CACNA1C: variants seen among roughly 807,000 people sequenced by gnomAD.
CACNA1C encodes the protein calcium voltage-gated channel subunit alpha1 C.
A neutral mutation model predicts 229.0 loss-of-function variants in CACNA1C; 30 were observed. That is an observed-to-expected ratio of 0.13 (90% CI 0.10 to 0.18). CACNA1C has a LOEUF of 0.18. Among genes scored for constraint, CACNA1C ranks in the 10% least tolerant of loss-of-function variants. The probability of loss-of-function intolerance (pLI) is 1.00; values close to 1 mark genes in which losing one functional copy is unlikely to be tolerated. For missense variants in CACNA1C, 1,658 were observed against 2,845.0 expected, an observed-to-expected ratio of 0.58 and a Z score of 9.49; for synonymous variants, 1,114 against 1,132.5, an observed-to-expected ratio of 0.98 and a Z score of 0.33.
chr12:1,972,903 G>A (rs1014717912), intron 1 of CACNA1C, among the ~76,000 whole-genome samples: 20 of 152,152 alleles, frequency 1.3e-4, no homozygotes, highest in Admixed American at 1.2e-3. Context: ...TAGTGGCAGT[G>A]TTTTCACAGC....
rs1039986587 is a variant in CACNA1C, at chr12:2,689,432, G to C, written c.6117+653G>C. On this transcript the variant is annotated intron_variant, in intron 46 of 46. Transcript: ENST00000399655. The surrounding 1 kb of genome is among the most constrained non-coding windows in gnomAD (Gnocchi z 4.2). ...CCTGGAGAGGAGGTGACTTTGGAGG[G>C]TGCGATACACCTCTCACACCTGCAA... is the stretch of plus-strand genomic sequence containing the variant. 3.9e-5 allele frequency among the ~76,000 whole-genome samples: 6 copies of C among 152,096 alleles called. No individual in the cohort carries two copies. The highest frequency in any genetic ancestry group is 8.8e-5 in the Non-Finnish European group (6 of 68,020).
intron 3 of CACNA1C, among the ~76,000 whole-genome samples, chr12:2,137,970 G>A (rs1181601050): frequency 6.6e-6 from 1 of 151,494 alleles, no homozygotes; most frequent in African/African-American, 2.4e-5. Context: ...GCTCATGCGG[G>A]CCACTCCCTG....
chr12:2,455,234 C>T (rs2099410265), intron 4 of CACNA1C, among the ~76,000 whole-genome samples: 1 of 152,196 alleles, frequency 6.6e-6, no homozygotes, highest in Admixed American at 6.5e-5. Flanking sequence ...TAGTAACCCC[C>T]TTTTTTTCTC....
intron 3 of CACNA1C, among the ~76,000 whole-genome samples, chr12:2,447,661 C>A (rs2099312094): frequency 6.6e-6 from 1 of 152,178 alleles, no homozygotes; most frequent in African/African-American, 2.4e-5. Context: ...CTGATGGCTC[C>A]CTGCAGAGCT....
intron 3 of CACNA1C, among the ~76,000 whole-genome samples, chr12:2,423,482 A>G (rs577922775): frequency 3.9e-5 from 6 of 152,340 alleles, no homozygotes; most frequent in African/African-American, 1.4e-4. Flanking sequence ...ATATACTTAC[A>G]TCATAATGAT....
At chr12:2,001,633 G>A (rs566240749) in intron 1 of CACNA1C, among the ~76,000 whole-genome samples, 1 of 152,152 alleles carries the variant, frequency 6.6e-6, no homozygotes, top group Non-Finnish European at 1.5e-5. Flanking sequence ...CATGTAGCAC[G>A]TGAGTCACCT....
At chr12:2,300,742 G>A (rs1458373770) in intron 3 of CACNA1C, among the ~76,000 whole-genome samples, 1 of 152,208 alleles carries the variant, frequency 6.6e-6, no homozygotes, top group Non-Finnish European at 1.5e-5. Flanking sequence ...GAGAGGATGT[G>A]TAATTAAGTG....
chr12:2,005,880 G>A (rs1000338283), intron 1 of CACNA1C, among the ~76,000 whole-genome samples: 4 of 152,186 alleles, frequency 2.6e-5, no homozygotes, highest in African/African-American at 9.7e-5. Flanking sequence ...ACTCCAGCTT[G>A]TCAAGTTTTG....
At chr12:2,334,799 A>G (rs1450610925) in intron 3 of CACNA1C, among the ~76,000 whole-genome samples, 2 of 152,238 alleles carry the variant, frequency 1.3e-5, no homozygotes, top group Non-Finnish European at 2.9e-5. Context: ...GATGACAGCA[A>G]CTAAAGGCCT....
chr12:2,456,083 A>G (rs1034548823), intron 4 of CACNA1C, among the ~76,000 whole-genome samples: 1 of 152,238 alleles, frequency 6.6e-6, no homozygotes, highest in Admixed American at 6.5e-5. Flanking sequence ...TCAAACTTCA[A>G]GAAGTTCTCA....
At chr12:2,120,567 G>A (rs768992135) in intron 3 of CACNA1C, 137 bp downstream of exon 3, 11 of 691,118 alleles carry the variant, frequency 1.6e-5, no homozygotes, top group Middle Eastern at 2.5e-4. Flanking sequence ...CTCACATCCC[G>A]AGTGCTGTTT....
chr12:2,636,379 A>T (rs2153582249), intron 30 of CACNA1C, among the ~76,000 whole-genome samples: 1 of 152,302 alleles, frequency 6.6e-6, no homozygotes, highest in East Asian at 1.9e-4. Context: ...AAAAGAAAAA[A>T]CAACAAAAAA....
intron 3 of CACNA1C, among the ~76,000 whole-genome samples, chr12:2,434,894 T>G (rs2099119426): frequency 6.6e-6 from 1 of 152,248 alleles, no homozygotes; most frequent in African/African-American, 2.4e-5. Context: ...GTCTAGTTCA[T>G]CTAAAGATTG....
At chr12:2,589,195 G>A (rs772668623) in intron 18 of CACNA1C, among the ~76,000 whole-genome samples, 3 of 152,232 alleles carry the variant, frequency 2.0e-5, no homozygotes, top group Non-Finnish European at 4.4e-5. Flanking sequence ...TGGGCAAACA[G>A]GGAAGACCCC....
chr12:2,375,362 C>T (rs1242330704), intron 3 of CACNA1C, among the ~76,000 whole-genome samples: 8 of 152,134 alleles, frequency 5.3e-5, no homozygotes, highest in Non-Finnish European at 1.0e-4. Flanking sequence ...TGCCCGGTGT[C>T]GTGGCTCAGC....
intron 3 of CACNA1C, among the ~76,000 whole-genome samples, chr12:2,151,066 C>T (rs2095211168): frequency 6.6e-6 from 1 of 152,136 alleles, no homozygotes; most frequent in African/African-American, 2.4e-5. Context: ...TCACAGCTTC[C>T]CTGAGTTCTA....
intron 8 of CACNA1C, among the ~76,000 whole-genome samples, chr12:2,505,888 G>A (rs994428889): frequency 3.3e-5 from 5 of 152,072 alleles, no homozygotes; most frequent in African/African-American, 1.2e-4. Context: ...GCTTGAGACT[G>A]GTCAGCTGCT....
At chr12:1,993,379 T>G in intron 1 of CACNA1C, 1 of 1,610,994 alleles carries the variant, frequency 6.2e-7, no homozygotes, top group Non-Finnish European at 8.5e-7. Flanking sequence ...ATCCATGCTT[T>G]GGAGAAGCAG....
chr12:2,441,016 C>T (rs778644177), intron 3 of CACNA1C, among the ~76,000 whole-genome samples: 1 of 152,178 alleles, frequency 6.6e-6, no homozygotes, highest in African/African-American at 2.4e-5. Flanking sequence ...ATGTAGAGGT[C>T]GGGCTGATGA....
Sources: allele counts gnomAD v4.1 joint callset (sites outside exome capture counted in the v4.1 genomes callset), GRCh38; gene constraint gnomAD v4.1.1; non-coding constraint Gnocchi (gnomAD v3.1); transcripts MANE v1.5; gene names NCBI Gene and HGNC (gene_info 2026-07-23, HGNC 2026-07-21).